ALDH5A1: variants seen among roughly 807,000 people sequenced by gnomAD.
ALDH5A1 encodes succinate-semialdehyde dehydrogenase, mitochondrial.
A neutral mutation model predicts 54.7 loss-of-function variants in ALDH5A1; 33 were observed. The ratio of observed to expected loss-of-function variants is 0.60; its 90% CI spans 0.46 to 0.81. The LOEUF is 0.81. ALDH5A1 is among the 30% of genes least tolerant of loss of function. The pLI, the probability that ALDH5A1 is intolerant of heterozygous loss-of-function variation, is 0.00. For missense variants in ALDH5A1, 657 were observed against 711.0 expected (o/e 0.92, Z 0.86); for synonymous variants, 294 against 292.7 (o/e 1.00, Z -0.05).
intron 3 of ALDH5A1, 99 bp from the exon 4 acceptor site, chr6:24,504,770 G>A (rs910804608): frequency 8.4e-7 from 1 of 1,190,460 alleles, no homozygotes; most frequent in East Asian, 2.3e-5. Flanking sequence ...TCAATCAGTT[G>A]TGCAATGAAA....
At chr6:24,524,450 A>G (rs1759763581) in intron 7 of ALDH5A1, among the ~76,000 whole-genome samples, 1 of 152,076 alleles carries the variant, frequency 6.6e-6, no homozygotes, top group Non-Finnish European at 1.5e-5. Context: ...CCAAGTCAGT[A>G]CTCATCATGG....
At chr6:24,524,512 G>A (rs1759765313) in intron 7 of ALDH5A1, among the ~76,000 whole-genome samples, 2 of 152,132 alleles carry the variant, frequency 1.3e-5, no homozygotes, top group African/African-American at 4.8e-5. Flanking sequence ...TGAGAACCAA[G>A]CCCTGACTCC....
chr6:24,531,870 A>G (rs967600638), intron 8 of ALDH5A1: 16 of 540,624 alleles, frequency 3.0e-5, no homozygotes, highest in African/African-American at 2.3e-4. Context: ...ACAGTTCCCT[A>G]CATGTTGGTC....
Position 24,520,536 on chromosome 6 carries a change from A to T in ALDH5A1, c.1006A>T (p.Thr336Ser). The change falls in exon 6 of 10, where the codon ACT (threonine) becomes TCT (serine). Residue 336 changes from threonine to serine, a missense_variant. Physicochemically the swap from Thr to Ser is moderately conservative, Grantham distance 58 (BLOSUM62 1). Around this residue, in one of 2 missense-constraint regions of ALDH5A1, gnomAD observed 425 missense variants for 516.4 expected, o/e 0.82. Transcript: ENST00000357578. The stretch of plus-strand genomic sequence containing the variant: ...GGCCATGGCATCTAAATTTAGGAAC[A>T]CTGGACAGGTGAGTCCTGGAGAGTA... The part of the protein sequence containing the change: ...AGAMASKFRN[T>S]GQTCVCSNQF... The T allele has an allele frequency of 6.2e-7, 1 of 1,614,024 alleles. No individual in the cohort carries two copies. Among genetic ancestry groups the T allele is most frequent in the Non-Finnish European group, 8.5e-7 (1 of 1,179,992 alleles).
At chr6:24,513,203 G>A (rs1167368722) in intron 4 of ALDH5A1, among the ~76,000 whole-genome samples, 1 of 152,076 alleles carries the variant, frequency 6.6e-6, no homozygotes, top group Non-Finnish European at 1.5e-5. Context: ...GGGACTACAG[G>A]TGTGCACCAC....
intron 8 of ALDH5A1, among the ~76,000 whole-genome samples, chr6:24,529,668 G>T: frequency 2.2e-5 from 2 of 91,700 alleles, no homozygotes; most frequent in African/African-American, 3.6e-5. Flanking sequence ...GTTTTGGTTT[G>T]GGTTTTTTTT....
At chr6:24,528,270 G>C in intron 8 of ALDH5A1, 104 bp downstream of exon 8, 3 of 1,388,106 alleles carry the variant, frequency 2.2e-6, no homozygotes, top group Non-Finnish European at 3.0e-6. Context: ...CCAGGAGGCA[G>C]ACAGTTGTGT....
At chr6:24,505,507 T>C (rs1172042443) in intron 4 of ALDH5A1, among the ~76,000 whole-genome samples, 1 of 151,732 alleles carries the variant, frequency 6.6e-6, no homozygotes, top group Non-Finnish European at 1.5e-5. Flanking sequence ...CTTGGACCAC[T>C]CTGGCCCCTG....
chr6:24,512,969 T>C (rs542534340), intron 4 of ALDH5A1, among the ~76,000 whole-genome samples: 39 of 152,318 alleles, frequency 2.6e-4, no homozygotes, highest in Middle Eastern at 3.4e-3. Flanking sequence ...GGATTACAGG[T>C]GTGAGCCACC....
At chr6:24,533,085 G>C (rs1581827365) in intron 9 of ALDH5A1, among the ~76,000 whole-genome samples, 1 of 152,306 alleles carries the variant, frequency 6.6e-6, no homozygotes, top group East Asian at 1.9e-4. Context: ...GTTTGGAGAG[G>C]ATGGTTGGTG....
intron 4 of ALDH5A1, among the ~76,000 whole-genome samples, chr6:24,513,012 C>T (rs1330607372): frequency 1.3e-5 from 2 of 152,060 alleles, no homozygotes; most frequent in Non-Finnish European, 2.9e-5. Flanking sequence ...GTTTTGTGGG[C>T]ATGTCTTTCT....
chr6:24,515,102 CTTTTTT>C, intron 4 of ALDH5A1, 59 bp from the exon 5 acceptor site: 50 of 926,886 alleles, frequency 5.4e-5, no homozygotes, highest in Middle Eastern at 7.1e-4. Flanking sequence ...TTTCTCTTTT[CTTTTTT>C]TTTTTTTTTT....
chr6:24,524,167 G>T (rs1759759051), intron 7 of ALDH5A1, among the ~76,000 whole-genome samples: 1 of 151,934 alleles, frequency 6.6e-6, no homozygotes, highest in Non-Finnish European at 1.5e-5. Flanking sequence ...TGTATTTTTA[G>T]TAGTGCTGGG....
intron 1 of ALDH5A1, among the ~76,000 whole-genome samples, chr6:24,500,896 AT>A (rs4646835): frequency 0.13 from 19,987 of 151,716 alleles, 1,743 homozygotes; most frequent in Non-Finnish European, 0.19. Context: ...TACAAAAAAA[AT>A]TTTTTTTTAA....
intron 1 of ALDH5A1, among the ~76,000 whole-genome samples, chr6:24,501,285 GTC>G (rs1348099914): frequency 6.6e-6 from 1 of 152,158 alleles, no homozygotes; most frequent in Non-Finnish European, 1.5e-5. Flanking sequence ...CTCTTGTAGG[GTC>G]TGCTTTTTGA....
In ALDH5A1 at chr6:24,499,929, G is replaced by A. The variant is rs531846901; in HGVS notation, c.355-2594G>A. Among the ~76,000 whole-genome samples, 63 of 152,212 alleles carry A rather than the reference G, an allele frequency of 4.1e-4. No individual in the cohort carries two copies. In the South Asian group the frequency reaches 0.013, roughly 31 times the overall value. ...CCGCCTCGGCCTCCCGAAGTGCTGG[G>A]ATTACAGGCACGAGCCACTGCGCCC... On this transcript the variant is annotated intron_variant, in intron 1 of 9. Transcript: ENST00000357578.
rs1759946801 is a variant in ALDH5A1 at position 24,532,066 on chromosome 6, G to C, written c.1344-53G>C. On this transcript the variant is annotated intron_variant, in intron 8 of 9. Coordinates refer to ENST00000357578, the MANE Select transcript of ALDH5A1 (RefSeq NM_001080.3). ...AACAAATCAGAAGAAAACAAAACTG[G>C]TTTCCTTTCCTCTCCCCCTTACATT... The C allele has an allele frequency of 9.7e-6, 15 of 1,550,678 alleles. No homozygotes were observed. The East Asian group carries it at 3.4e-4, about 35-fold the overall frequency.
In ALDH5A1 at chr6:24,522,756, C is replaced by T; in HGVS notation, c.1015-11C>T. 2 of 1,613,488 alleles carry T rather than the reference C, an allele frequency of 1.2e-6. No homozygotes were observed. Among genetic ancestry groups the T allele is most frequent in the Non-Finnish European group, 1.7e-6 (2 of 1,179,732 alleles). On this transcript the variant is annotated splice_polypyrimidine_tract_variant and intron_variant, in intron 6 of 9. Transcript: ENST00000357578. ...ACAGACTGTGTGGGTTTGTTTTTGT[C>T]TCCTGTCCAGACTTGTGTTTGCTCA...
Position 24,520,416 on chromosome 6 carries a change from G to C in ALDH5A1, c.886G>C (p.Ala296Pro), listed in dbSNP as rs149482918. ...CTGCTCACAGATCCTGTTGCACCAC[G>C]CAGCAAACTCTGTGAAAAGGGTCTC... The part of the protein sequence containing the change: ...TTTGKILLHH[A>P]ANSVKRVSME... Residue 296 changes from alanine to proline, a missense_variant, in exon 6 of 10, where the codon GCA becomes CCA. Ala to Pro is a conservative substitution (Grantham distance 27, BLOSUM62 -1). Coordinates refer to ENST00000357578, the MANE Select transcript of ALDH5A1 (RefSeq NM_001080.3). The C allele has an allele frequency of 6.2e-7, 1 of 1,613,900 alleles. No homozygotes were observed. Among genetic ancestry groups the C allele is most frequent in the African/African-American group, 1.3e-5 (1 of 74,890 alleles).
Sources: gnomAD v4.1 joint callset for allele counts (sites outside exome capture counted in the v4.1 genomes callset) on GRCh38, gnomAD v4.1.1 for gene constraint, gnomAD v4.1.1 regional missense constraint, MANE v1.5 for transcripts, NCBI Gene and HGNC (gene_info 2026-07-23, HGNC 2026-07-21) for gene names.